The following RFT1 variants were observed in gnomAD, a reference collection of about 807,000 sequenced individuals.
RFT1 encodes the protein RFT1 glycolipid translocator homolog.
RFT1 carries 43 observed loss-of-function variants against 62.2 expected under a neutral mutation model. That is an observed-to-expected ratio of 0.69 (90% CI 0.54 to 0.89). The LOEUF is 0.89. RFT1 is among the 40% of genes least tolerant of loss of function. RFT1 has a pLI of 0.00. For missense variants in RFT1, 605 were observed against 649.9 expected, an observed-to-expected ratio of 0.93 and a Z score of 0.75; for synonymous variants, 262 against 264.6, an observed-to-expected ratio of 0.99 and a Z score of 0.10.
Position 53,092,477 on chromosome 3 carries a change from G to A in RFT1, c.1350C>T (p.Ile450=). The change falls in exon 12 of 13, where the codon ATC becomes ATT. Residue 450 remains isoleucine, a synonymous_variant. Coordinates refer to ENST00000296292, the MANE Select transcript of RFT1 (RefSeq NM_052859.4). The part of the protein sequence containing the change: ...GIRITQSLCF[I]HRYYRRSPHR... Reference sequence around the variant, plus strand: ...GGGGGCTCCTTCGGTAGTAGCGGTGGATGAAGCAAAGGCTCTGCGTGATCC... The same window carrying A: ...GGGGGCTCCTTCGGTAGTAGCGGTGAATGAAGCAAAGGCTCTGCGTGATCC... The A allele has an allele frequency of 6.2e-7, 1 of 1,612,496 alleles. No individual in the cohort carries two copies. The highest frequency in any genetic ancestry group is 1.7e-5 in the Admixed American group (1 of 59,856).
At chr3:53,099,229 G>T in intron 11 of RFT1, 152 bp downstream of exon 11, 1 of 688,992 alleles carries the variant, frequency 1.5e-6, no homozygotes, top group Admixed American at 2.1e-5. Flanking sequence ...GTGCCACAGA[G>T]ATCCCAGGGG....
chr3:53,124,259 G>C (rs1423036593), intron 2 of RFT1, among the ~76,000 whole-genome samples: 1 of 152,206 alleles, frequency 6.6e-6, no homozygotes, highest in Non-Finnish European at 1.5e-5. Context: ...CTGGCCAAAA[G>C]AATCTCAAGA....
At chr3:53,094,083 G>A (rs906849885) in intron 11 of RFT1, among the ~76,000 whole-genome samples, 1 of 152,056 alleles carries the variant, frequency 6.6e-6, no homozygotes, top group African/African-American at 2.4e-5. Flanking sequence ...TGCAGGTGTG[G>A]GAGGAGGTCC....
intron 1 of RFT1, 38 bp downstream of exon 1, chr3:53,130,300 G>C (rs767595002): frequency 1.3e-6 from 2 of 1,544,684 alleles, no homozygotes; most frequent in African/African-American, 2.7e-5. Context: ...GCGAATCCCG[G>C]CTGCAGTACA....
At chr3:53,094,218 T>TA (rs963904673) in intron 11 of RFT1, among the ~76,000 whole-genome samples, 4 of 152,054 alleles carry the variant, frequency 2.6e-5, no homozygotes, top group African/African-American at 7.3e-5. Context: ...ACCATGTCTC[T>TA]ACCAAAAAGA....
downstream of RFT1, chr3:53,088,354 A>G (rs2581784): frequency 0.48 from 73,761 of 152,094 alleles, 19,777 homozygotes; most frequent in East Asian, 0.73. Context: ...CAACATCAAC[A>G]GAGAGAGAAA....
Position 53,121,777 on chromosome 3 carries a change from T to C in RFT1, c.480A>G (p.Val160=). 2.5e-6 allele frequency: 4 copies of C among 1,613,774 alleles called. No individual in the cohort carries two copies. The highest frequency in any genetic ancestry group is 3.4e-6 in the Non-Finnish European group (4 of 1,179,860). The change falls in exon 5 of 13, where the codon GTA becomes GTG. Residue 160 remains valine, a synonymous_variant. Transcript: ENST00000296292. ...KLKVIAESLS[V]ILKSVLTAFL... ...AAGCTGTCAGAACGCTCTTAAGAAT[T>C]ACCGACAGGCTCTCTGCAATCACCT...
chr3:53,105,800 A>T lies in RFT1; in HGVS notation c.830T>A (p.Val277Glu). The change falls in exon 9 of 13, where the codon GTG (valine) becomes GAG (glutamate). Residue 277 changes from valine (V) to glutamate (E), a missense_variant. Physicochemically the swap from Val to Glu is moderately radical, Grantham distance 121 (BLOSUM62 -2). Coordinates refer to ENST00000296292, the MANE Select transcript of RFT1 (RefSeq NM_052859.4). ...GCCAAGATTATTCACTATATCATAC[A>T]CACCTACAAAACAAAAAAGAAGAAA... ...LNVLNFGDQG[V>E]YDIVNNLGSL... 6.2e-7 allele frequency: 1 copy of T among 1,612,768 alleles called. No individual in the cohort carries two copies. Among genetic ancestry groups the T allele is most frequent in the Non-Finnish European group, 8.5e-7 (1 of 1,179,298 alleles).
At chr3:53,092,659 C>A (rs747896663) in intron 11 of RFT1, 41 bp from the exon 12 acceptor site, 1 of 765,598 alleles carries the variant, frequency 1.3e-6, no homozygotes, top group Non-Finnish European at 1.9e-6. Flanking sequence ...GGTGACCTTG[C>A]CCTGGACAAG....
At chr3:53,087,424 G>A (rs78830215), downstream of RFT1, among the ~76,000 whole-genome samples, 891 of 152,180 alleles carry the variant, frequency 5.9e-3, 5 homozygotes, top group Non-Finnish European at 8.9e-3. Context: ...CCCACCGTCC[G>A]GGCCTGCCCA....
At chr3:53,094,353 A>ACG (rs1559580115) in intron 11 of RFT1, among the ~76,000 whole-genome samples, 2 of 2,382 alleles carry the variant, frequency 8.4e-4, no homozygotes, top group African/African-American at 3.5e-3. Context: ...TACTACACGC[A>ACG]CACACACACA....
Position 53,112,400 on chromosome 3 carries a change from A to G in RFT1, c.697-492T>C, listed in dbSNP as rs891029289. ...TCGCAGGTCAGGTAAACCACTCAGA[A>G]TGGGTATGACAGAGGAACGGAGAAA... On this transcript the variant is annotated intron_variant, in intron 6 of 12. Transcript: ENST00000296292. Among the ~76,000 whole-genome samples the G allele has an allele frequency of 9.9e-5, 15 of 152,212 alleles. 1 individual carries two copies. The highest frequency in any genetic ancestry group is 2.9e-5 in the Non-Finnish European group (2 of 68,036).
At chr3:53,128,438 G>T (rs1270016490) in intron 1 of RFT1, among the ~76,000 whole-genome samples, 1 of 152,230 alleles carries the variant, frequency 6.6e-6, no homozygotes, top group Non-Finnish European at 1.5e-5. Flanking sequence ...AACTGAGGTT[G>T]CTTACGCCAC....
chr3:53,100,699 A>C (rs1342372305), intron 10 of RFT1, among the ~76,000 whole-genome samples: 1 of 152,214 alleles, frequency 6.6e-6, no homozygotes, highest in East Asian at 1.9e-4. Flanking sequence ...ATTGATATAA[A>C]ATTACTTTTA....
chr3:53,129,551 G>A (rs1447333650), intron 1 of RFT1, among the ~76,000 whole-genome samples: 1 of 152,124 alleles, frequency 6.6e-6, no homozygotes, highest in African/African-American at 2.4e-5. Context: ...GCTCAAGAGT[G>A]AGACAGAGAG....
intron 6 of RFT1, 103 bp downstream of exon 6, chr3:53,119,781 A>G: frequency 8.9e-7 from 1 of 1,126,210 alleles, no homozygotes; most frequent in Non-Finnish European, 1.3e-6. Flanking sequence ...GAGCTATAAA[A>G]TTCTATTTAT....
chr3:53,086,753 G>A (rs1700863880), downstream of RFT1, among the ~76,000 whole-genome samples: 1 of 152,184 alleles, frequency 6.6e-6, no homozygotes. Flanking sequence ...CCGGCTTCCA[G>A]TGTGCCTTCC....
At chr3:53,068,097 G>A in the RFT1 span, among the ~76,000 whole-genome samples, 1 of 152,314 alleles carries the variant, frequency 6.6e-6, no homozygotes, top group East Asian at 1.9e-4. Context: ...CAACCTGGCT[G>A]GAGGAAGTCA....
chr3:53,129,777 A>G (rs1199820732), intron 1 of RFT1, among the ~76,000 whole-genome samples: 2 of 152,166 alleles, frequency 1.3e-5, no homozygotes, highest in Non-Finnish European at 1.5e-5. Flanking sequence ...CGTTTATTTG[A>G]ATGATCCCAA....
Sources: allele counts gnomAD v4.1 joint callset (sites outside exome capture counted in the v4.1 genomes callset), GRCh38; gene constraint gnomAD v4.1.1; transcripts MANE v1.5; gene names NCBI Gene and HGNC (gene_info 2026-07-23, HGNC 2026-07-21).